The following GALNT13 variants were observed in gnomAD, a reference collection of about 807,000 sequenced individuals.
GALNT13 encodes polypeptide N-acetylgalactosaminyltransferase 13, also known as UDP-GalNAc:polypeptide N-acetylgalactosaminyltransferase 13.
GALNT13 carries 28 observed loss-of-function variants against 64.2 expected under a neutral mutation model. The ratio of observed to expected loss-of-function variants is 0.44; its 90% CI spans 0.32 to 0.60. The LOEUF (loss-of-function observed/expected upper bound fraction) is 0.60. Ranked by LOEUF, GALNT13 falls within the 20% of genes least tolerant of loss-of-function variation. The pLI is 0.05. For missense variants in GALNT13, 577 were observed against 669.8 expected (o/e 0.86, Z 1.53); for synonymous variants, 214 against 224.6 (o/e 0.95, Z 0.42).
rs1559037003 is a variant in GALNT13, at chr2:154,228,197, G to A, written c.312-13833G>A. Among the ~76,000 whole-genome samples, 3 of 151,852 alleles carry A rather than the reference G, an allele frequency of 2.0e-5. No homozygotes were observed. In the South Asian group the frequency reaches 6.2e-4, roughly 32 times the overall value. On this transcript the variant is annotated intron_variant, in intron 4 of 12. Transcript: ENST00000392825. ...TTCCCATTAAAAATCAGTCAGATTT[G>A]CCTCAGCCTCAAAGAGCGTGTTTAT...
At chr2:153,405,853 A>T in the GALNT13 span, among the ~76,000 whole-genome samples, 1 of 152,268 alleles carries the variant, frequency 6.6e-6, no homozygotes, top group South Asian at 2.1e-4. Flanking sequence ...CCCCCAACTC[A>T]GTCCTTAAAA....
chr2:154,390,450 A>C (rs557308830), intron 9 of GALNT13, among the ~76,000 whole-genome samples: 24 of 151,998 alleles, frequency 1.6e-4, no homozygotes, highest in African/African-American at 5.8e-4. Flanking sequence ...TCATGAGTTA[A>C]CTCCCACTTA....
chr2:154,423,793 A>G (rs1700355888), intron 11 of GALNT13, among the ~76,000 whole-genome samples: 1 of 152,152 alleles, frequency 6.6e-6, no homozygotes, highest in Non-Finnish European at 1.5e-5. Flanking sequence ...ACTTTCTTCC[A>G]AAGATTACAA....
the GALNT13 span, among the ~76,000 whole-genome samples, chr2:153,564,265 CT>C: frequency 1.3e-5 from 2 of 151,994 alleles, no homozygotes; most frequent in African/African-American, 4.8e-5. Context: ...TGCATCTATA[CT>C]TTTCTTCCTG....
chr2:153,838,345 T>C, the GALNT13 span, among the ~76,000 whole-genome samples: 1 of 151,972 alleles, frequency 6.6e-6, no homozygotes, highest in Non-Finnish European at 1.5e-5. Context: ...CATGTGGTTT[T>C]CCCCCTATAT....
the GALNT13 span, among the ~76,000 whole-genome samples, chr2:153,806,253 G>A: frequency 6.6e-6 from 1 of 152,036 alleles, no homozygotes; most frequent in African/African-American, 2.4e-5. Flanking sequence ...GTAGATTTAT[G>A]TCAGAAGGAG....
At chr2:153,501,181 T>G in the GALNT13 span, among the ~76,000 whole-genome samples, 5 of 152,308 alleles carry the variant, frequency 3.3e-5, no homozygotes, top group South Asian at 1.0e-3. Context: ...AGTCATTTAT[T>G]TAGCCAAAAT....
At chr2:154,426,469 G>T (rs1700475687) in intron 11 of GALNT13, among the ~76,000 whole-genome samples, 1 of 152,100 alleles carries the variant, frequency 6.6e-6, no homozygotes, top group Non-Finnish European at 1.5e-5. Context: ...GTATACCAGG[G>T]GATAGAAACC....
At chr2:154,336,304 C>G (rs1330307086) in intron 9 of GALNT13, among the ~76,000 whole-genome samples, 1 of 152,032 alleles carries the variant, frequency 6.6e-6, no homozygotes, top group Non-Finnish European at 1.5e-5. Flanking sequence ...GTGGTCCTAG[C>G]CTAACCTACT....
At chr2:153,626,459 A>G in the GALNT13 span, among the ~76,000 whole-genome samples, 2 of 152,126 alleles carry the variant, frequency 1.3e-5, no homozygotes, top group South Asian at 4.1e-4. Context: ...GTAAGGATTT[A>G]CTGTATCTTT....
chr2:154,338,754 G>C (rs1027706975), intron 9 of GALNT13, among the ~76,000 whole-genome samples: 1 of 152,050 alleles, frequency 6.6e-6, no homozygotes, highest in African/African-American at 2.4e-5. Context: ...ATTTAGGTCT[G>C]GTGGATAATG....
In GALNT13 at chr2:154,270,883, G is replaced by A. The variant is rs544242179; in HGVS notation, c.975+11745G>A. Among the ~76,000 whole-genome samples, 4 of 151,916 alleles carry A rather than the reference G, an allele frequency of 2.6e-5. No homozygotes were observed. The East Asian group carries it at 5.8e-4, about 22-fold the overall frequency. ...CAATTTTATTGCTTTCCAGTGATTTGATCTCATAAAGGAATATATCTTGAA... is the reference window on the plus strand; with the variant it reads ...CAATTTTATTGCTTTCCAGTGATTTAATCTCATAAAGGAATATATCTTGAA... On this transcript the variant is annotated intron_variant, in intron 8 of 12. Coordinates refer to ENST00000392825, the MANE Select transcript of GALNT13 (RefSeq NM_052917.4).
At chr2:153,250,822 A>G in the GALNT13 span, among the ~76,000 whole-genome samples, 2 of 152,244 alleles carry the variant, frequency 1.3e-5, no homozygotes, top group Admixed American at 1.3e-4. Flanking sequence ...TGGGAGTTGA[A>G]CAATGAAAAC....
At chr2:154,168,332 G>C (rs1421020236) in intron 4 of GALNT13, among the ~76,000 whole-genome samples, 1 of 152,134 alleles carries the variant, frequency 6.6e-6, no homozygotes, top group African/African-American at 2.4e-5. Flanking sequence ...TTCTTCAGAA[G>C]AGGTTAGTCT....
the GALNT13 span, among the ~76,000 whole-genome samples, chr2:153,369,933 G>A: frequency 5.3e-5 from 8 of 152,150 alleles, no homozygotes; most frequent in African/African-American, 1.9e-4. Flanking sequence ...GTCCATGTAA[G>A]CCAGCCTCCT....
chr2:153,704,244 C>T, the GALNT13 span, among the ~76,000 whole-genome samples: 5 of 152,040 alleles, frequency 3.3e-5, no homozygotes, highest in Admixed American at 1.3e-4. Flanking sequence ...ACTGTTGGTC[C>T]AATTACAAAA....
intron 2 of GALNT13, among the ~76,000 whole-genome samples, chr2:153,921,383 G>A (rs1298360277): frequency 2.6e-5 from 4 of 152,112 alleles, no homozygotes; most frequent in African/African-American, 9.7e-5. Context: ...ACCAAATACT[G>A]CATTCTCTCA....
intron 9 of GALNT13, among the ~76,000 whole-genome samples, chr2:154,354,811 A>T (rs1170679660): frequency 6.6e-6 from 1 of 151,902 alleles, no homozygotes; most frequent in Non-Finnish European, 1.5e-5. Context: ...ATACTTCGTG[A>T]TTTTAAATTA....
chr2:153,635,911 A>AG, the GALNT13 span, among the ~76,000 whole-genome samples: 1 of 152,164 alleles, frequency 6.6e-6, no homozygotes, highest in Non-Finnish European at 1.5e-5. Context: ...AGGGGTAAAA[A>AG]GAAACATAAG....
Sources: gnomAD v4.1 joint callset for allele counts (sites outside exome capture counted in the v4.1 genomes callset) on GRCh38, gnomAD v4.1.1 for gene constraint, MANE v1.5 for transcripts, NCBI Gene and HGNC (gene_info 2026-07-23, HGNC 2026-07-21) for gene names.